LYRM4: variants seen among roughly 807,000 people sequenced by gnomAD.
LYRM4 encodes the protein LYR motif containing 4.
In LYRM4, 9 loss-of-function variants were observed where a neutral mutation model predicts 11.7. That is an observed-to-expected ratio of 0.77 (90% confidence interval 0.46 to 1.34). The LOEUF is 1.34. LYRM4 is among the 40% of genes most tolerant of loss of function. LYRM4 has a pLI of 0.00. For missense variants in LYRM4, 133 were observed against 112.5 expected, an observed-to-expected ratio of 1.18 and a Z score of -0.82; for synonymous variants, 42 against 40.4, an observed-to-expected ratio of 1.04 and a Z score of -0.15.
chr6:5,192,672 A>G (rs1181737761), intron 2 of LYRM4, among the ~76,000 whole-genome samples: 1 of 152,132 alleles, frequency 6.6e-6, no homozygotes, highest in Non-Finnish European at 1.5e-5. Context: ...CTAACTTCTG[A>G]ATCTGCGCAT....
intron 2 of LYRM4, chr6:5,186,641 G>A (rs1206384708): frequency 1.0e-5 from 10 of 984,012 alleles, no homozygotes; most frequent in Non-Finnish European, 1.2e-5. Flanking sequence ...TGGGAATTCA[G>A]CATGACACAA....
At chr6:5,147,670 A>G (rs932126157) in intron 2 of LYRM4, among the ~76,000 whole-genome samples, 3 of 152,210 alleles carry the variant, frequency 2.0e-5, no homozygotes, top group African/African-American at 7.2e-5. Flanking sequence ...GGATACTAAA[A>G]TTCACATTCA....
the LYRM4 span, among the ~76,000 whole-genome samples, chr6:5,064,724 A>G: frequency 9.2e-5 from 14 of 152,290 alleles, no homozygotes; most frequent in African/African-American, 2.4e-4. Flanking sequence ...TTTTTAGTTG[A>G]AACACAATTG....
chr6:5,185,329 AC>A (rs1760325539), intron 2 of LYRM4, among the ~76,000 whole-genome samples: 3 of 152,232 alleles, frequency 2.0e-5, no homozygotes. Context: ...TGGAAAGAGC[AC>A]AGGCAGTTAA....
At chr6:5,085,814 G>A in the LYRM4 span, 37 of 1,528,310 alleles carry the variant, frequency 2.4e-5, no homozygotes, top group South Asian at 4.1e-4. Flanking sequence ...GTGGCACTGG[G>A]CGGCGAGGGG....
chr6:5,245,419 G>C (rs1315903596), intron 1 of LYRM4, among the ~76,000 whole-genome samples: 1 of 151,870 alleles, frequency 6.6e-6, no homozygotes, highest in Non-Finnish European at 1.5e-5. Flanking sequence ...GCAGTGTTCT[G>C]TCACTGTGGA....
chr6:5,148,437 A>T (rs1757861391), intron 2 of LYRM4: 1 of 163,036 alleles, frequency 6.1e-6, no homozygotes, highest in Non-Finnish European at 1.4e-5. Flanking sequence ...GTGTGGGGAG[A>T]GTTAGAATTC....
chr6:5,077,928 A>G, the LYRM4 span, among the ~76,000 whole-genome samples: 1 of 152,194 alleles, frequency 6.6e-6, no homozygotes, highest in Non-Finnish European at 1.5e-5. Flanking sequence ...TTCCTCAGTA[A>G]TCTTAACAAA....
intron 1 of LYRM4, among the ~76,000 whole-genome samples, chr6:5,217,003 T>C (rs2127724373): frequency 6.6e-6 from 1 of 152,354 alleles, no homozygotes; most frequent in East Asian, 1.9e-4. Flanking sequence ...ATTGGTTCTT[T>C]AGCCTTATTC....
chr6:5,120,815 G>A (rs1223457118), intron 2 of LYRM4, among the ~76,000 whole-genome samples: 1 of 152,158 alleles, frequency 6.6e-6, no homozygotes, highest in East Asian at 1.9e-4. Context: ...GTGCCGATTG[G>A]TGCGTTTTTA....
chr6:5,229,864 A>G (rs924635714), intron 1 of LYRM4, among the ~76,000 whole-genome samples: 1 of 152,228 alleles, frequency 6.6e-6, no homozygotes, highest in Non-Finnish European at 1.5e-5. Flanking sequence ...CAGTCTCTAG[A>G]GGAAAAGTTT....
At chr6:5,207,448 C>T (rs893385780) in intron 2 of LYRM4, among the ~76,000 whole-genome samples, 3 of 152,182 alleles carry the variant, frequency 2.0e-5, no homozygotes, top group South Asian at 2.1e-4. Flanking sequence ...CAAATTAACA[C>T]AAACAAGGGG....
chr6:5,064,868 C>G, the LYRM4 span, among the ~76,000 whole-genome samples: 1 of 151,876 alleles, frequency 6.6e-6, no homozygotes, highest in Non-Finnish European at 1.5e-5. Flanking sequence ...AAAATGTGCT[C>G]TTCTAGCTGG....
At chr6:5,129,251 C>A (rs1255761797) in intron 2 of LYRM4, among the ~76,000 whole-genome samples, 1 of 152,216 alleles carries the variant, frequency 6.6e-6, no homozygotes, top group African/African-American at 2.4e-5. Flanking sequence ...TGTGTGTTAG[C>A]TTCCTAATGC....
At chr6:5,061,790 A>G in the LYRM4 span, among the ~76,000 whole-genome samples, 3 of 152,238 alleles carry the variant, frequency 2.0e-5, no homozygotes, top group Non-Finnish European at 4.4e-5. Context: ...TTCACACACA[A>G]TGAATTACAA....
At chr6:5,059,348 A>G in the LYRM4 span, among the ~76,000 whole-genome samples, 1 of 151,728 alleles carries the variant, frequency 6.6e-6, no homozygotes, top group Non-Finnish European at 1.5e-5. Flanking sequence ...CTCAAAAAAA[A>G]AAAAAAAAAA....
chr6:5,084,599 G>T, the LYRM4 span: 1 of 152,124 alleles, frequency 6.6e-6, no homozygotes, highest in African/African-American at 2.4e-5. Context: ...GCCGCTCTCG[G>T]CTGCGGGCCA....
In LYRM4 at chr6:5,109,334, G is replaced by T; in HGVS notation, c.*89C>A. On this transcript the variant is annotated 3_prime_UTR_variant, in exon 3 of 3. Coordinates refer to ENST00000330636, the MANE Select transcript of LYRM4 (RefSeq NM_020408.6). ...AGGACAGGCAGCGCAAAAGGCTATT[G>T]TAAGCTGGTTTTGGGAGCCCCCATC... The T allele has an allele frequency of 6.3e-7, 1 of 1,598,372 alleles. No individual in the cohort carries two copies. Among genetic ancestry groups the T allele is most frequent in the Non-Finnish European group, 8.6e-7 (1 of 1,168,616 alleles).
the LYRM4 span, among the ~76,000 whole-genome samples, chr6:5,073,268 G>C: frequency 6.6e-6 from 1 of 152,124 alleles, no homozygotes; most frequent in Non-Finnish European, 1.5e-5. Flanking sequence ...TACTCGGGAG[G>C]CTGTGGCACA....
Sources: gnomAD v4.1 joint callset for allele counts (sites outside exome capture counted in the v4.1 genomes callset) on GRCh38, gnomAD v4.1.1 for gene constraint, MANE v1.5 for transcripts, NCBI Gene and HGNC (gene_info 2026-07-23, HGNC 2026-07-21) for gene names.